The following CDH22 variants were observed in gnomAD, a reference collection of about 807,000 sequenced individuals.
CDH22 encodes the protein cadherin-22.
Under a neutral mutation model 58.4 loss-of-function variants are expected in CDH22, and 30 were observed. The ratio of observed to expected loss-of-function variants is 0.51; its 90% CI spans 0.38 to 0.70. The LOEUF (loss-of-function observed/expected upper bound fraction) is 0.70. Among genes scored for constraint, CDH22 ranks in the 30% least tolerant of loss-of-function variants. CDH22 has a pLI of 0.00. For missense variants in CDH22, 1,014 were observed against 1,233.9 expected, an observed-to-expected ratio of 0.82 and a Z score of 2.67; for synonymous variants, 513 against 558.2, an observed-to-expected ratio of 0.92 and a Z score of 1.14.
At position 46,240,950 on chromosome 20, in the gene CDH22, G is replaced by A. The variant is rs2086285125; in HGVS notation, c.550+13C>T. On this transcript the variant is annotated intron_variant, in intron 3 of 11. Transcript: ENST00000537909. ...CTTGATCCCATCCCCCACCCCCAGG[G>A]CCCACAGCCCACCTGTAGGTGAGAG... is the stretch of plus-strand genomic sequence containing the variant. The A allele has an allele frequency of 6.2e-7, 1 of 1,604,610 alleles. No individual in the cohort carries two copies. The highest frequency in any genetic ancestry group is 1.3e-5 in the African/African-American group (1 of 74,766).
chr20:46,296,572 G>A (rs552824737), intron 1 of CDH22, among the ~76,000 whole-genome samples: 2 of 152,358 alleles, frequency 1.3e-5, no homozygotes, highest in South Asian at 2.1e-4. Context: ...GAATAGATGT[G>A]AGGGCTCAGC....
chr20:46,257,529 C>T (rs6074083), intron 1 of CDH22, among the ~76,000 whole-genome samples: 2 of 152,146 alleles, frequency 1.3e-5, no homozygotes, highest in Non-Finnish European at 2.9e-5. Context: ...TGCCCTCAGC[C>T]TGGGCAGCGG....
At chr20:46,212,923 G>C in intron 6 of CDH22, 72 bp downstream of exon 6, 1 of 1,309,358 alleles carries the variant, frequency 7.6e-7, no homozygotes, top group Non-Finnish European at 1.1e-6. Flanking sequence ...GGGGTATTCG[G>C]CTGCCCAGAG....
rs2086592430 is a variant in CDH22 at position 46,289,769 on chromosome 20, C to T, written c.-400+18486G>A. On this transcript the variant is annotated intron_variant, in intron 1 of 11. Transcript: ENST00000537909. Reference sequence around the variant, plus strand: ...GCCATTTCTGAAGGACCTGGGGTCACCTGGGAGGGGAGGAAGCTAGAAACA... The same window carrying T: ...GCCATTTCTGAAGGACCTGGGGTCATCTGGGAGGGGAGGAAGCTAGAAACA... Among the ~76,000 whole-genome samples, 3 of 152,124 alleles carry T rather than the reference C, an allele frequency of 2.0e-5. No individual in the cohort carries two copies. In the South Asian group the frequency reaches 6.2e-4, roughly 32 times the overall value.
intron 11 of CDH22, among the ~76,000 whole-genome samples, chr20:46,177,594 G>A (rs1194609785): frequency 6.6e-6 from 1 of 152,166 alleles, no homozygotes; most frequent in Non-Finnish European, 1.5e-5. Context: ...TGATATGCCT[G>A]GCCATGTGCT....
intron 5 of CDH22, among the ~76,000 whole-genome samples, chr20:46,214,105 T>C (rs1358361827): frequency 1.3e-5 from 2 of 152,074 alleles, no homozygotes; most frequent in Non-Finnish European, 2.9e-5. Context: ...GGAAAGAGTA[T>C]TCTAGACAGA....
intron 1 of CDH22, among the ~76,000 whole-genome samples, chr20:46,301,513 A>ATG (rs1355387125): frequency 6.6e-6 from 1 of 151,264 alleles, no homozygotes; most frequent in Non-Finnish European, 1.5e-5. Context: ...AAATATATAT[A>ATG]TATATGTATA....
At chr20:46,260,795 A>G (rs927795666) in intron 1 of CDH22, among the ~76,000 whole-genome samples, 3 of 152,122 alleles carry the variant, frequency 2.0e-5, no homozygotes, top group Non-Finnish European at 2.9e-5. Context: ...CTCCCTTGTC[A>G]TCTGGCTTTC....
At chr20:46,193,974 T>G (rs988418979) in intron 8 of CDH22, among the ~76,000 whole-genome samples, 4 of 151,850 alleles carry the variant, frequency 2.6e-5, no homozygotes, top group Non-Finnish European at 5.9e-5. Flanking sequence ...GGTAACAGAG[T>G]GAGAGCCCCC....
At chr20:46,267,788 T>G (rs1393558801) in intron 1 of CDH22, among the ~76,000 whole-genome samples, 1 of 152,262 alleles carries the variant, frequency 6.6e-6, no homozygotes, top group Admixed American at 6.5e-5. Context: ...AACGCTGCTT[T>G]AAAACAAAAC....
At chr20:46,236,389 C>T (rs1233208490) in intron 3 of CDH22, among the ~76,000 whole-genome samples, 1 of 150,868 alleles carries the variant, frequency 6.6e-6, no homozygotes, top group Non-Finnish European at 1.5e-5. Context: ...TCCCTGACCC[C>T]TCTATCTAAA....
At chr20:46,264,868 G>A (rs548115214) in intron 1 of CDH22, among the ~76,000 whole-genome samples, 7 of 147,162 alleles carry the variant, frequency 4.8e-5, no homozygotes, top group South Asian at 2.1e-4. Flanking sequence ...CACACACACC[G>A]TGCGCACACA....
intron 1 of CDH22, among the ~76,000 whole-genome samples, chr20:46,268,295 G>A (rs1207334235): frequency 1.3e-5 from 2 of 152,236 alleles, no homozygotes; most frequent in African/African-American, 2.4e-5. Context: ...AGGGTCTGTC[G>A]CTTGCTGTGA....
intron 1 of CDH22, among the ~76,000 whole-genome samples, chr20:46,275,401 C>T (rs1004008480): frequency 6.6e-6 from 1 of 152,234 alleles, no homozygotes; most frequent in Non-Finnish European, 1.5e-5. Flanking sequence ...GACCACTCCA[C>T]CTAAAATCAC....
intron 8 of CDH22, among the ~76,000 whole-genome samples, chr20:46,196,040 G>A (rs556404391): frequency 6.6e-6 from 1 of 152,304 alleles, no homozygotes; most frequent in East Asian, 1.9e-4. Flanking sequence ...GGACGCTTTG[G>A]CAGGAGGGCA....
chr20:46,240,354 T>C (rs1044700526), intron 3 of CDH22, among the ~76,000 whole-genome samples: 1 of 152,090 alleles, frequency 6.6e-6, no homozygotes, highest in East Asian at 1.9e-4. Flanking sequence ...TGTGAGGTCG[T>C]GGGTCTGAGT....
At chr20:46,293,183 G>A (rs1048614517) in intron 1 of CDH22, among the ~76,000 whole-genome samples, 1 of 152,178 alleles carries the variant, frequency 6.6e-6, no homozygotes, top group African/African-American at 2.4e-5. Context: ...CTGGTCTGAA[G>A]ACTGCCCCCA....
At position 46,227,543 on chromosome 20, in the gene CDH22, T is replaced by A. The variant is rs371615834; in HGVS notation, c.635A>T (p.Asp212Val). ...SSARLVYSVL[D>V]GEHHFTVDPK... ...GTCCACGGTGAAGTGGTGCTCGCCG[T>A]CCAGCACGCTGTACACCAGCCGAGC... Residue 212 changes from aspartate (D) to valine (V), a missense_variant, in exon 4 of 12, where the codon GAC becomes GTC. This residue lies in a region of CDH22 where 806 missense variants were observed against 1,038.7 expected (regional missense o/e 0.78). Coordinates refer to ENST00000537909, the MANE Select transcript of CDH22 (RefSeq NM_021248.3). 4 of 1,606,554 alleles carry A rather than the reference T, an allele frequency of 2.5e-6. No individual in the cohort carries two copies. In the African/African-American group the frequency reaches 4.0e-5, roughly 16 times the overall value.
At chr20:46,268,533 T>C (rs548960415) in intron 1 of CDH22, among the ~76,000 whole-genome samples, 1 of 152,310 alleles carries the variant, frequency 6.6e-6, no homozygotes, top group South Asian at 2.1e-4. Flanking sequence ...ACACACGGGT[T>C]CCCTCCCTCC....
Sources: gnomAD v4.1 joint callset for allele counts (sites outside exome capture counted in the v4.1 genomes callset) on GRCh38, gnomAD v4.1.1 for gene constraint, gnomAD v4.1.1 regional missense constraint, MANE v1.5 for transcripts, NCBI Gene and HGNC (gene_info 2026-07-23, HGNC 2026-07-21) for gene names.